GRIP1: variants seen among roughly 807,000 people sequenced by gnomAD.
GRIP1 encodes glutamate receptor-interacting protein 1.
GRIP1 carries 45 observed loss-of-function variants against 129.9 expected under a neutral mutation model. The ratio of observed to expected loss-of-function variants is 0.35; its 90% CI spans 0.27 to 0.44. The LOEUF (loss-of-function observed/expected upper bound fraction) is 0.44, where lower values mean the gene tolerates loss of function less well. GRIP1 is among the 20% of genes least tolerant of loss of function. The probability of loss-of-function intolerance (pLI) is 1.00; values close to 1 mark genes in which losing one functional copy is unlikely to be tolerated. For synonymous variants in GRIP1, 530 were observed against 520.8 expected (o/e 1.02, Z -0.24); for missense variants, 1,196 against 1,396.8 (o/e 0.86, Z 2.29).
intron 1 of GRIP1, among the ~76,000 whole-genome samples, chr12:67,016,934 T>C (rs1215434749): frequency 6.6e-6 from 1 of 152,166 alleles, no homozygotes; most frequent in Non-Finnish European, 1.5e-5. Flanking sequence ...AGTACTTAGA[T>C]CCAGTGGAGC....
chr12:66,937,617 A>G (rs2041508233), intron 1 of GRIP1, among the ~76,000 whole-genome samples: 1 of 152,186 alleles, frequency 6.6e-6, no homozygotes, highest in Admixed American at 6.5e-5. Flanking sequence ...ATGATAACAG[A>G]ATGCTATTCA....
intron 1 of GRIP1, among the ~76,000 whole-genome samples, chr12:66,762,555 G>A (rs1418850239): frequency 2.0e-5 from 3 of 152,042 alleles, no homozygotes; most frequent in Non-Finnish European, 4.4e-5. Flanking sequence ...AATATATGCT[G>A]TACAACTTAA....
intron 1 of GRIP1, among the ~76,000 whole-genome samples, chr12:66,881,878 A>G (rs2040484739): frequency 6.6e-6 from 1 of 152,236 alleles, no homozygotes; most frequent in African/African-American, 2.4e-5. Flanking sequence ...TTGTCACAAT[A>G]ACTGAGATAA....
At chr12:66,915,778 A>T (rs865992512) in intron 1 of GRIP1, among the ~76,000 whole-genome samples, 53 of 152,226 alleles carry the variant, frequency 3.5e-4, no homozygotes, top group African/African-American at 1.1e-3. Context: ...CTGCCTAAAC[A>T]AATATAATGA....
intron 1 of GRIP1, among the ~76,000 whole-genome samples, chr12:66,952,601 T>C (rs1413920424): frequency 3.3e-5 from 5 of 152,208 alleles, no homozygotes; most frequent in African/African-American, 1.2e-4. Context: ...CACCTTGCTC[T>C]TAGCTATGGT....
chr12:66,905,517 C>A (rs2040916866), intron 1 of GRIP1, among the ~76,000 whole-genome samples: 1 of 152,112 alleles, frequency 6.6e-6, no homozygotes, highest in African/African-American at 2.4e-5. Flanking sequence ...TTTATGAGAG[C>A]AAATGACAAT....
intron 13 of GRIP1, among the ~76,000 whole-genome samples, chr12:66,441,833 C>A (rs1016127646): frequency 6.6e-6 from 1 of 152,158 alleles, no homozygotes; most frequent in Non-Finnish European, 1.5e-5. Flanking sequence ...GTCTTCTCAG[C>A]TAAAGACATC....
At chr12:66,579,883 T>C (rs2063303267) in intron 2 of GRIP1, among the ~76,000 whole-genome samples, 1 of 149,120 alleles carries the variant, frequency 6.7e-6, no homozygotes, top group Admixed American at 6.7e-5. Flanking sequence ...CAGGCCAACA[T>C]TCATATTCAG....
At position 67,009,081 on chromosome 12, in the gene GRIP1, TG is replaced by T. The variant is rs2042668056; in HGVS notation, c.58+59968del. On this transcript the variant is annotated intron_variant, in intron 1 of 1. Transcript: ENST00000643019. The stretch of plus-strand genomic sequence containing the variant: ...TATCAAAATAGGATAGCAATGACTT[TG>T]GTCTGAAATATTTTAAGTGCAGGAT... 7.9e-5 allele frequency among the ~76,000 whole-genome samples: 12 copies of T among 152,242 alleles called. No individual in the cohort carries two copies. In the South Asian group the frequency reaches 2.5e-3, roughly 32 times the overall value.
intron 15 of GRIP1, among the ~76,000 whole-genome samples, chr12:66,416,069 TTAAAA>T (rs2057590240): frequency 6.6e-6 from 1 of 151,936 alleles, no homozygotes; most frequent in South Asian, 2.1e-4. Flanking sequence ...ACCCTGGAAC[TTAAAA>T]TAAAATTTGA....
chr12:66,813,919 G>A (rs1385984516), intron 1 of GRIP1, among the ~76,000 whole-genome samples: 2 of 152,128 alleles, frequency 1.3e-5, no homozygotes, highest in African/African-American at 4.8e-5. Context: ...TATGGAAAAT[G>A]GGCAAGAGTG....
rs71096098 is a variant in GRIP1, at chr12:66,401,598, G to GTGTGTATATA, written c.1984+4684_1984+4685insTATATACACA. On this transcript the variant is annotated intron_variant, in intron 16 of 24. Coordinates refer to ENST00000359742, the MANE Select transcript of GRIP1 (RefSeq NM_001366722.1). ...CCGTCTCAAAAAAAAAAATATGTGT[G>GTGTGTATATA]TATATATATATACACACACACACAC... 5.3e-4 allele frequency among the ~76,000 whole-genome samples: 35 copies of GTGTGTATATA among 66,272 alleles called. 3 individuals are homozygous for GTGTGTATATA. The highest frequency in any genetic ancestry group is 1.3e-3 in the African/African-American group (22 of 16,342). The allele number at this position is 66,272 out of a possible 152,430, so 43.5% of individuals were successfully genotyped here. A position where few individuals can be genotyped will look rare whatever the true frequency, so the allele number is the denominator to read the frequency against.
In GRIP1 at chr12:66,950,373, C is replaced by T. The variant is rs529036523; in HGVS notation, c.58+118677G>A. 3.3e-5 allele frequency among the ~76,000 whole-genome samples: 5 copies of T among 152,136 alleles called. No homozygotes were observed. The South Asian group carries it at 8.3e-4, about 25-fold the overall frequency. ...CCTATATTCTAAATAAGTATTCTAG[C>T]CCCTCAAAAACATTGTTTTTGTAGT... On this transcript the variant is annotated intron_variant, in intron 1 of 1. Transcript: ENST00000643019.
At position 66,595,941 on chromosome 12, in the gene GRIP1, C is replaced by T. The variant is rs117751063; in HGVS notation, c.136+906G>A. Among the ~76,000 whole-genome samples, 203 of 152,282 alleles carry T rather than the reference C, an allele frequency of 1.3e-3. 3 individuals are homozygous for T. In the East Asian group the frequency reaches 0.02, roughly 15 times the overall value. ...AATGGAAAATTCTTCCTTTCACTGA[C>T]ACATTTGCCAAACCATTCCAGTTAA... On this transcript the variant is annotated intron_variant, in intron 2 of 24. Coordinates refer to ENST00000359742, the MANE Select transcript of GRIP1 (RefSeq NM_001366722.1).
At chr12:66,678,754 GC>G (rs1592734811) in intron 1 of GRIP1, 95 bp downstream of exon 1, 19 of 1,104,934 alleles carry the variant, frequency 1.7e-5, no homozygotes, top group Non-Finnish European at 2.6e-5. Context: ...ACAATAAATT[GC>G]AAAGGCAGTC....
intron 1 of GRIP1, among the ~76,000 whole-genome samples, chr12:67,004,815 G>A (rs1400758543): frequency 6.6e-6 from 1 of 152,048 alleles, no homozygotes; most frequent in Non-Finnish European, 1.5e-5. Flanking sequence ...TGAGAAAACT[G>A]AATGAATATA....
intron 1 of GRIP1, among the ~76,000 whole-genome samples, chr12:66,834,499 G>A (rs2039575090): frequency 6.6e-6 from 1 of 152,142 alleles, no homozygotes; most frequent in African/African-American, 2.4e-5. Flanking sequence ...ATGAAATTAA[G>A]GGTCGCCCTT....
In GRIP1 at chr12:66,392,786, G is replaced by A. The variant is rs763963651; in HGVS notation, c.2160C>T (p.Ile720=). The A allele has an allele frequency of 7.4e-6, 12 of 1,613,960 alleles. No homozygotes were observed. The highest frequency in any genetic ancestry group is 1.3e-5 in the African/African-American group (1 of 74,904). Residue 720 remains isoleucine, a synonymous_variant, in exon 18 of 25, where the codon ATC becomes ATT. Transcript: ENST00000359742. ...RTGAIHIGDR[I]LAINSSSLKG... ...TCAAGCTGCTGCTATTGATGGCTAGGATTCGGTCTCCTATGTGGATTGCGC... is the reference window on the plus strand; with the variant it reads ...TCAAGCTGCTGCTATTGATGGCTAGAATTCGGTCTCCTATGTGGATTGCGC...
chr12:66,963,160 A>T (rs540062076), intron 1 of GRIP1, among the ~76,000 whole-genome samples: 4 of 152,136 alleles, frequency 2.6e-5, no homozygotes, highest in Non-Finnish European at 4.4e-5. Context: ...CAAACAAAAA[A>T]AAACATTAGC....
Sources: gnomAD v4.1 joint callset for allele counts (sites outside exome capture counted in the v4.1 genomes callset) on GRCh38, gnomAD v4.1.1 for gene constraint, MANE v1.5 for transcripts, NCBI Gene and HGNC (gene_info 2026-07-23, HGNC 2026-07-21) for gene names.